Variants in AP2B1 observed in about 807,000 individuals in gnomAD.
The protein encoded by AP2B1 is AP-2 complex subunit beta.
A neutral mutation model predicts 102.0 loss-of-function variants in AP2B1; 23 were observed. The observed-to-expected ratio is 0.23, with a 90% CI of 0.16 to 0.32. The LOEUF (loss-of-function observed/expected upper bound fraction) is 0.32. Among genes scored for constraint, AP2B1 ranks in the 10% least tolerant of loss-of-function variants. The pLI is 1.00. For synonymous variants in AP2B1, 381 were observed against 421.2 expected (o/e 0.90, Z 1.17); for missense variants, 541 against 1,157.4 (o/e 0.47, Z 7.73).
chr17:35,716,553 T>C (rs2076554487), intron 20 of AP2B1, among the ~76,000 whole-genome samples: 1 of 152,198 alleles, frequency 6.6e-6, no homozygotes, highest in Non-Finnish European at 1.5e-5. Flanking sequence ...TGTTTCGTTA[T>C]TATTTTCGAG....
At chr17:35,598,405 T>C (rs888592238) in intron 3 of AP2B1, 70 bp downstream of exon 3, 4 of 926,806 alleles carry the variant, frequency 4.3e-6, no homozygotes, top group Non-Finnish European at 6.4e-6. Flanking sequence ...TTTACTGCTT[T>C]TCCTTTAAAA....
rs748225935 is a variant in AP2B1 at position 35,593,998 on chromosome 17, C to T, written c.-23-10C>T. On this transcript the variant is annotated splice_polypyrimidine_tract_variant and intron_variant, in intron 1 of 21. Coordinates refer to ENST00000610402, the MANE Select transcript of AP2B1 (RefSeq NM_001030006.2). ...AACCTGAATGAAGGAATTCTTTTCT[C>T]TTGCTATAGGTGCACATTAAAGATC... 12 of 1,507,216 alleles carry T rather than the reference C, an allele frequency of 8.0e-6. No homozygotes were observed. In the Admixed American group the frequency reaches 1.0e-4, roughly 13 times the overall value. 93.4% of individuals were successfully genotyped at this position (1,507,216 alleles called of 1,614,324 possible). A position where few individuals can be genotyped will look rare whatever the true frequency, so the allele number is the denominator to read the frequency against.
At chr17:35,699,085 G>C (rs992432602) in intron 18 of AP2B1, among the ~76,000 whole-genome samples, 2 of 152,236 alleles carry the variant, frequency 1.3e-5, no homozygotes, top group Non-Finnish European at 2.9e-5. Context: ...TACAGGAGAA[G>C]TCATAGTATT....
At chr17:35,644,887 C>T (rs566724433) in intron 12 of AP2B1, among the ~76,000 whole-genome samples, 2 of 152,086 alleles carry the variant, frequency 1.3e-5, no homozygotes, top group African/African-American at 4.8e-5. Context: ...CAAAAATTAG[C>T]GGAGCATAGT....
At chr17:35,717,064 G>A (rs2143011494) in intron 20 of AP2B1, 131 bp from the exon 21 acceptor site, 1 of 973,376 alleles carries the variant, frequency 1.0e-6, no homozygotes, top group Non-Finnish European at 1.5e-6. Context: ...GGCTTCTGAA[G>A]TGTACACATG....
At chr17:35,620,017 C>T (rs984766941) in intron 5 of AP2B1, among the ~76,000 whole-genome samples, 1 of 152,118 alleles carries the variant, frequency 6.6e-6, no homozygotes, top group Non-Finnish European at 1.5e-5. Flanking sequence ...AGCTTCTGGC[C>T]TCAAGTGATC....
At chr17:35,636,670 T>A (rs1255672161) in intron 10 of AP2B1, among the ~76,000 whole-genome samples, 3 of 152,226 alleles carry the variant, frequency 2.0e-5, no homozygotes, top group Non-Finnish European at 4.4e-5. Context: ...AAGCTCTGCC[T>A]GAATATGCAT....
chr17:35,698,365 A>G (rs1296732604), intron 18 of AP2B1, among the ~76,000 whole-genome samples: 1 of 152,116 alleles, frequency 6.6e-6, no homozygotes, highest in African/African-American at 2.4e-5. Context: ...GCAGGAGTGC[A>G]GTGGCGTGAT....
chr17:35,667,125 C>T (rs181026168), intron 14 of AP2B1, among the ~76,000 whole-genome samples: 2 of 152,278 alleles, frequency 1.3e-5, no homozygotes, highest in East Asian at 1.9e-4. Flanking sequence ...GGAGAGGCCA[C>T]TCACTGGGTA....
intron 18 of AP2B1, among the ~76,000 whole-genome samples, chr17:35,696,683 G>A (rs897137124): frequency 6.6e-6 from 1 of 151,838 alleles, no homozygotes; most frequent in African/African-American, 2.4e-5. Context: ...GCCACCGCAC[G>A]CCTGGCTAAA....
intron 3 of AP2B1, among the ~76,000 whole-genome samples, chr17:35,602,134 G>A (rs1311745585): frequency 6.6e-6 from 1 of 152,036 alleles, no homozygotes; most frequent in Admixed American, 6.5e-5. Context: ...TATGTACTTA[G>A]CACTATACCA....
At chr17:35,682,370 T>G (rs2075842105) in intron 17 of AP2B1, among the ~76,000 whole-genome samples, 1 of 146,386 alleles carries the variant, frequency 6.8e-6, no homozygotes, top group Non-Finnish European at 1.5e-5. Context: ...GAGATGGAGT[T>G]TCACTCTTAT....
intron 12 of AP2B1, among the ~76,000 whole-genome samples, chr17:35,645,014 A>G (rs1479375235): frequency 6.6e-6 from 1 of 151,882 alleles, no homozygotes; most frequent in Non-Finnish European, 1.5e-5. Flanking sequence ...GCTGGGTAAT[A>G]CAGCAAGACT....
chr17:35,670,912 G>T lies in AP2B1; in HGVS notation c.2031+14G>T. 1.2e-6 allele frequency: 2 copies of T among 1,613,738 alleles called. No homozygotes were observed. The highest frequency in any genetic ancestry group is 1.7e-6 in the Non-Finnish European group (2 of 1,179,892). On this transcript the variant is annotated intron_variant, in intron 15 of 21. Coordinates refer to ENST00000610402, the MANE Select transcript of AP2B1 (RefSeq NM_001030006.2). ...GGAAGTCCGGCAGTAAGTGCCATCT[G>T]TTTTTTTCACCATGAGAAGCACTGC...
chr17:35,619,380 C>T (rs1458569600), intron 5 of AP2B1, among the ~76,000 whole-genome samples: 2 of 151,980 alleles, frequency 1.3e-5, no homozygotes, highest in African/African-American at 4.8e-5. Flanking sequence ...TGGTGGTTCA[C>T]ACCTGTAATA....
intron 5 of AP2B1, 39 bp from the exon 6 acceptor site, chr17:35,624,358 G>A (rs2074260890): frequency 6.3e-7 from 1 of 1,595,128 alleles, no homozygotes; most frequent in Non-Finnish European, 8.6e-7. Flanking sequence ...TAGCTGTGCT[G>A]TTCTTGGTGA....
At chr17:35,707,373 G>T (rs147472872) in intron 18 of AP2B1, among the ~76,000 whole-genome samples, 6 of 151,634 alleles carry the variant, frequency 4.0e-5, no homozygotes, top group Non-Finnish European at 7.4e-5. Context: ...GGATGGTCTC[G>T]GTCTCCTGAC....
At chr17:35,624,714 G>T in intron 6 of AP2B1, 127 bp downstream of exon 6, 2 of 760,506 alleles carry the variant, frequency 2.6e-6, no homozygotes, top group Non-Finnish European at 4.1e-6. Context: ...TATCTCCAGG[G>T]TATTTTCTCT....
chr17:35,636,385 G>A lies in AP2B1; in HGVS notation c.1200G>A (p.Gln400=), dbSNP rs2142690963. ...RCVSTLLDLI[Q]TKVNYVVQEA... is the part of the protein sequence containing the mutation. Reference sequence around the variant, plus strand: ...TAAGCACATTGCTTGATCTAATCCAGACCAAAGTGAATTATGTGGTCCAAG... The same window carrying A: ...TAAGCACATTGCTTGATCTAATCCAAACCAAAGTGAATTATGTGGTCCAAG... The change falls in exon 10 of 22, where the codon CAG becomes CAA. Residue 400 remains glutamine, a synonymous_variant. Transcript: ENST00000610402. 6.2e-7 allele frequency: 1 copy of A among 1,613,966 alleles called. No individual in the cohort carries two copies. The highest frequency in any genetic ancestry group is 8.5e-7 in the Non-Finnish European group (1 of 1,179,944).
Sources: gnomAD v4.1 joint callset for allele counts (sites outside exome capture counted in the v4.1 genomes callset) on GRCh38, gnomAD v4.1.1 for gene constraint, MANE v1.5 for transcripts, NCBI Gene and HGNC (gene_info 2026-07-23, HGNC 2026-07-21) for gene names.